Variants in CCDC85A observed in about 807,000 individuals in gnomAD.
CCDC85A encodes the protein coiled-coil domain-containing protein 85A.
A neutral mutation model predicts 50.2 loss-of-function variants in CCDC85A; 38 were observed. The ratio of observed to expected loss-of-function variants is 0.76; its 90% CI spans 0.58 to 0.99. CCDC85A has a LOEUF of 0.99. Ranked by LOEUF, CCDC85A falls within the 50% of genes least tolerant of loss-of-function variation. The pLI, the probability that CCDC85A is intolerant of heterozygous loss-of-function variation, is 0.00. For missense variants in CCDC85A, 820 were observed against 742.0 expected, an observed-to-expected ratio of 1.11 and a Z score of -1.22; for synonymous variants, 366 against 301.4, an observed-to-expected ratio of 1.21 and a Z score of -2.22.
chr2:56,277,530 G>T (rs898538685), intron 2 of CCDC85A, among the ~76,000 whole-genome samples: 39 of 152,122 alleles, frequency 2.6e-4, no homozygotes, highest in African/African-American at 7.2e-4. Context: ...CACATGACTT[G>T]TTTAAAGTTA....
intron 3 of CCDC85A, among the ~76,000 whole-genome samples, chr2:56,348,380 C>G (rs1000319895): frequency 5.3e-5 from 8 of 152,172 alleles, no homozygotes; most frequent in Admixed American, 3.3e-4. Flanking sequence ...GTCCACATAC[C>G]TGTTTGAAAG....
At chr2:56,223,321 A>C (rs1480629263) in intron 2 of CCDC85A, among the ~76,000 whole-genome samples, 1 of 152,162 alleles carries the variant, frequency 6.6e-6, no homozygotes, top group East Asian at 1.9e-4. Context: ...TGTCTCTGTC[A>C]CAACTCTTCA....
chr2:56,222,886 T>C (rs957569330), intron 2 of CCDC85A, among the ~76,000 whole-genome samples: 6 of 152,176 alleles, frequency 3.9e-5, no homozygotes, highest in African/African-American at 1.2e-4. Flanking sequence ...TTGAAATTGC[T>C]TTCAAAAACA....
At chr2:56,191,629 G>A (rs1349424085) in intron 1 of CCDC85A, among the ~76,000 whole-genome samples, 1 of 152,294 alleles carries the variant, frequency 6.6e-6, no homozygotes, top group East Asian at 1.9e-4. Context: ...GATGACCCCA[G>A]GTTCATATAA....
At chr2:56,274,141 A>G (rs895709235) in intron 2 of CCDC85A, among the ~76,000 whole-genome samples, 2 of 152,154 alleles carry the variant, frequency 1.3e-5, no homozygotes, top group Admixed American at 6.6e-5. Context: ...TTCATGAAAT[A>G]TCTATGTATT....
chr2:56,315,119 A>C (rs1672863349), intron 2 of CCDC85A, among the ~76,000 whole-genome samples: 1 of 152,160 alleles, frequency 6.6e-6, no homozygotes, highest in Non-Finnish European at 1.5e-5. Context: ...GCCACTGGGA[A>C]TGTGTTTTCC....
At chr2:56,354,160 T>C (rs900367453) in intron 3 of CCDC85A, among the ~76,000 whole-genome samples, 5 of 152,230 alleles carry the variant, frequency 3.3e-5, no homozygotes, top group African/African-American at 1.2e-4. Flanking sequence ...CGAAAGAGAA[T>C]GCTAACATAG....
intron 2 of CCDC85A, among the ~76,000 whole-genome samples, chr2:56,277,640 G>C (rs551966706): frequency 1.9e-4 from 29 of 152,146 alleles, no homozygotes; most frequent in Non-Finnish European, 4.0e-4. Flanking sequence ...ATCTTCATTG[G>C]TAAATTCACT....
At chr2:56,383,185 T>G (rs1431125107) in intron 5 of CCDC85A, among the ~76,000 whole-genome samples, 1 of 152,008 alleles carries the variant, frequency 6.6e-6, no homozygotes. Flanking sequence ...ATATTGTGTA[T>G]TACTATGAAG....
chr2:56,190,073 G>A (rs920206080), intron 1 of CCDC85A, among the ~76,000 whole-genome samples: 1 of 152,220 alleles, frequency 6.6e-6, no homozygotes, highest in African/African-American at 2.4e-5. Flanking sequence ...ATGACTTTAG[G>A]AAGTGGAGGA....
chr2:56,330,302 G>C (rs981309712), intron 2 of CCDC85A, among the ~76,000 whole-genome samples: 1 of 152,024 alleles, frequency 6.6e-6, no homozygotes, highest in East Asian at 1.9e-4. Context: ...CTCCTTTGTG[G>C]GGCTGATGCT....
chr2:56,250,057 C>A (rs544101390), intron 2 of CCDC85A, among the ~76,000 whole-genome samples: 1 of 152,302 alleles, frequency 6.6e-6, no homozygotes, highest in Admixed American at 6.5e-5. Flanking sequence ...TAGATGATAT[C>A]TGTGTACTTA....
chr2:56,350,566 G>A (rs1179404243), intron 3 of CCDC85A, among the ~76,000 whole-genome samples: 2 of 152,072 alleles, frequency 1.3e-5, no homozygotes, highest in East Asian at 3.9e-4. Context: ...ATTGAAATGT[G>A]GATATCAAAA....
intron 2 of CCDC85A, among the ~76,000 whole-genome samples, chr2:56,290,019 C>T (rs972655074): frequency 1.3e-5 from 2 of 152,142 alleles, no homozygotes; most frequent in Non-Finnish European, 2.9e-5. Flanking sequence ...TCAAGCCAGA[C>T]CCTCATTTCC....
chr2:56,293,215 G>A (rs955518591), intron 2 of CCDC85A, among the ~76,000 whole-genome samples: 1 of 152,194 alleles, frequency 6.6e-6, no homozygotes, highest in South Asian at 2.1e-4. Flanking sequence ...TCCATGTGGA[G>A]AAAAGCCAAA....
chr2:56,312,891 T>C (rs1672760211), intron 2 of CCDC85A, among the ~76,000 whole-genome samples: 1 of 152,178 alleles, frequency 6.6e-6, no homozygotes, highest in Admixed American at 6.6e-5. Context: ...GTTTTATATA[T>C]CAAGGATAGA....
At chr2:56,369,514 A>G (rs1441071948) in intron 3 of CCDC85A, among the ~76,000 whole-genome samples, 1 of 152,116 alleles carries the variant, frequency 6.6e-6, no homozygotes, top group African/African-American at 2.4e-5. Context: ...AACCCATGCA[A>G]ATGTCCATAT....
intron 2 of CCDC85A, among the ~76,000 whole-genome samples, chr2:56,270,804 G>C (rs1336523676): frequency 1.3e-5 from 2 of 152,144 alleles, no homozygotes; most frequent in African/African-American, 4.8e-5. Flanking sequence ...AGGCAGACAG[G>C]GTCCATGTGA....
At chr2:56,284,891 A>AT (rs1671362709) in intron 2 of CCDC85A, among the ~76,000 whole-genome samples, 1 of 152,120 alleles carries the variant, frequency 6.6e-6, no homozygotes, top group Non-Finnish European at 1.5e-5. Context: ...CTTAAAGACT[A>AT]TTTTTTGTTA....
Sources: allele counts gnomAD v4.1 joint callset (sites outside exome capture counted in the v4.1 genomes callset), GRCh38; gene constraint gnomAD v4.1.1; transcripts MANE v1.5; gene names NCBI Gene and HGNC (gene_info 2026-07-23, HGNC 2026-07-21).